The following SH2D3C variants were observed in gnomAD, a reference collection of about 807,000 sequenced individuals.
SH2D3C encodes the protein SH2 domain-containing protein 3C.
SH2D3C carries 25 observed loss-of-function variants against 75.2 expected under a neutral mutation model. The ratio of observed to expected loss-of-function variants is 0.33; its 90% CI spans 0.24 to 0.46. The LOEUF (loss-of-function observed/expected upper bound fraction) is 0.46, where lower values mean the gene tolerates loss of function less well. Among genes scored for constraint, SH2D3C ranks in the 20% least tolerant of loss-of-function variants. SH2D3C has a pLI of 1.00. For synonymous variants in SH2D3C, 450 were observed against 473.7 expected (o/e 0.95, Z 0.65); for missense variants, 933 against 1,165.3 (o/e 0.80, Z 2.90).
chr9:127,759,946 G>A (rs1224341673), intron 3 of SH2D3C, among the ~76,000 whole-genome samples: 2 of 149,822 alleles, frequency 1.3e-5, no homozygotes, highest in Non-Finnish European at 3.0e-5. Context: ...TCGCACCACT[G>A]TGCTCCAGCC....
At chr9:127,776,662 C>T (rs989223197) in intron 1 of SH2D3C, among the ~76,000 whole-genome samples, 5 of 152,348 alleles carry the variant, frequency 3.3e-5, no homozygotes, top group Admixed American at 1.3e-4. Flanking sequence ...TGTTCGCACC[C>T]GTGCTGGGAT....
At chr9:127,762,781 GA>G (rs1564422378) in intron 2 of SH2D3C, among the ~76,000 whole-genome samples, 1 of 152,152 alleles carries the variant, frequency 6.6e-6, no homozygotes, top group East Asian at 1.9e-4. Flanking sequence ...GATGGCAAAC[GA>G]ACCATCCTCA....
In SH2D3C at chr9:127,751,337, A is replaced by G. The variant is rs1451909971; in HGVS notation, c.556-37T>C. 2 of 1,605,848 alleles carry G rather than the reference A, an allele frequency of 1.2e-6. No homozygotes were observed. The highest frequency in any genetic ancestry group is 1.7e-6 in the Non-Finnish European group (2 of 1,174,418). ...ACAGCAAGAGTTGGCATCCAACTTAAAGTCTCCTTCTTCTTTCCCTCCCAA... is the reference window on the plus strand; with the variant it reads ...ACAGCAAGAGTTGGCATCCAACTTAGAGTCTCCTTCTTCTTTCCCTCCCAA... On this transcript the variant is annotated intron_variant, in intron 3 of 11. Coordinates refer to ENST00000314830, the MANE Select transcript of SH2D3C (RefSeq NM_170600.3). This position sits in a 1 kb window ranked among gnomAD's most constrained non-coding sequence, Gnocchi z 4.1.
In SH2D3C at chr9:127,747,251, C is replaced by A. The variant is rs1298897169; in HGVS notation, c.1160G>T (p.Arg387Leu). ...CPTSTSLPRP[R>L]DSIRSCALSM... is the part of the protein sequence containing the mutation. ...GAGGGCACAGCTGCGGATGGAGTCC[C>A]GAGGGCGGGGCAGCGACGTACTGTG... The change falls in exon 6 of 12, where the codon CGG becomes CTG. Residue 387 changes from arginine to leucine, a missense_variant. Transcript: ENST00000314830. 3.7e-6 allele frequency: 6 copies of A among 1,613,250 alleles called. No homozygotes were observed. In the African/African-American group the frequency reaches 4.0e-5, roughly 11 times the overall value.
chr9:127,754,783 C>A lies in SH2D3C; in HGVS notation c.556-3483G>T. 1 of 477,820 alleles carries A rather than the reference C, an allele frequency of 2.1e-6. No homozygotes were observed. 29.6% of individuals were successfully genotyped at this position (477,820 alleles called of 1,614,324 possible). Reference sequence around the variant, plus strand: ...GGCAGGACGCCGGAGACCCCATCTCCCAGTCCCCCCTGCCCCAGCTCTCTC... The same window carrying A: ...GGCAGGACGCCGGAGACCCCATCTCACAGTCCCCCCTGCCCCAGCTCTCTC... On this transcript the variant is annotated intron_variant, in intron 3 of 11. Transcript: ENST00000314830. This position sits in a 1 kb window ranked among gnomAD's most constrained non-coding sequence, Gnocchi z 4.4.
intron 3 of SH2D3C, chr9:127,755,149 C>A: frequency 8.2e-7 from 1 of 1,218,808 alleles, no homozygotes; most frequent in Non-Finnish European, 1.0e-6. Flanking sequence ...CAGGCTGCAC[C>A]GCTCGGTCAT....
In SH2D3C at chr9:127,747,191, A is replaced by G. The variant is rs1845055162; in HGVS notation, c.1220T>C (p.Met407Thr). 1.2e-6 allele frequency: 2 copies of G among 1,614,064 alleles called. No homozygotes were observed. The highest frequency in any genetic ancestry group is 1.7e-6 in the Non-Finnish European group (2 of 1,180,006). ...MDQIPDLHSP[M>T]SPISESPSSP... ...GCTAGGGCTCTCGGAGATGGGCGACATGGGTGAGTGCAGGTCTGGGATCTG... is the reference window on the plus strand; with the variant it reads ...GCTAGGGCTCTCGGAGATGGGCGACGTGGGTGAGTGCAGGTCTGGGATCTG... The change falls in exon 6 of 12, where the codon ATG becomes ACG. Residue 407 changes from methionine (M) to threonine (T), a missense_variant. By Grantham distance (81) the Met-to-Thr change is moderately conservative. Transcript: ENST00000314830.
chr9:127,749,783 G>C lies in SH2D3C; in HGVS notation c.685-118C>G. 1 of 666,688 alleles carries C rather than the reference G, an allele frequency of 1.5e-6. No homozygotes were observed. Among genetic ancestry groups the C allele is most frequent in the Non-Finnish European group, 2.7e-6 (1 of 377,188 alleles). 41.3% of individuals were successfully genotyped at this position (666,688 alleles called of 1,614,324 possible). A position where few individuals can be genotyped will look rare whatever the true frequency, so the allele number is the denominator to read the frequency against. Reference sequence around the variant, plus strand: ...ACAGCAAGACCAGACCCAGGGCATAGAGGACCCAATGAACAGAGACATCTG... The same window carrying C: ...ACAGCAAGACCAGACCCAGGGCATACAGGACCCAATGAACAGAGACATCTG... On this transcript the variant is annotated intron_variant, in intron 4 of 11. Coordinates refer to ENST00000314830, the MANE Select transcript of SH2D3C (RefSeq NM_170600.3). The surrounding 1 kb of genome is among the most constrained non-coding windows in gnomAD (Gnocchi z 5.9).
chr9:127,745,250 C>T (rs938536675), intron 6 of SH2D3C, 151 bp from the exon 7 acceptor site: 7 of 594,012 alleles, frequency 1.2e-5, no homozygotes, highest in Non-Finnish European at 1.8e-5. Context: ...AGACCAGGGC[C>T]GATTGACTCT....
Position 127,774,958 on chromosome 9 carries a change from C to T in SH2D3C, c.38-491G>A, listed in dbSNP as rs751329874. Among the ~76,000 whole-genome samples, 2 of 151,990 alleles carry T rather than the reference C, an allele frequency of 1.3e-5. No homozygotes were observed. Among genetic ancestry groups the T allele is most frequent in the Non-Finnish European group, 2.9e-5 (2 of 68,008 alleles). ...TACAAACATTAGCCGGGTGTGGTGG[C>T]GCACCTGTAATCCCAGCTTCTTGGG... On this transcript the variant is annotated intron_variant, in intron 1 of 11. Transcript: ENST00000314830. The surrounding 1 kb of genome is among the most constrained non-coding windows in gnomAD (Gnocchi z 4.3).
At chr9:127,763,336 T>A (rs1845573230) in intron 2 of SH2D3C, among the ~76,000 whole-genome samples, 1 of 152,234 alleles carries the variant, frequency 6.6e-6, no homozygotes, top group Non-Finnish European at 1.5e-5. Flanking sequence ...AATTATCTGA[T>A]GCCCTTATGA....
chr9:127,742,743 C>T (rs923786640), intron 8 of SH2D3C, 106 bp downstream of exon 8: 2 of 759,536 alleles, frequency 2.6e-6, no homozygotes, highest in Admixed American at 2.7e-5. Flanking sequence ...GGCCAGAGCC[C>T]CCTGGGAGCC....
chr9:127,776,720 A>G (rs1845817220), intron 1 of SH2D3C, among the ~76,000 whole-genome samples: 1 of 152,024 alleles, frequency 6.6e-6, no homozygotes, highest in Non-Finnish European at 1.5e-5. Flanking sequence ...GAGGCCCAGC[A>G]ATGGGGAGGG....
At chr9:127,740,112 C>T in intron 10 of SH2D3C, 146 bp downstream of exon 10, 1 of 777,084 alleles carries the variant, frequency 1.3e-6, no homozygotes, top group Non-Finnish European at 2.1e-6. Flanking sequence ...ATGAACAGGG[C>T]TGACACAGCT....
At chr9:127,740,659 T>C (rs1274480194) in intron 9 of SH2D3C, among the ~76,000 whole-genome samples, 1 of 152,208 alleles carries the variant, frequency 6.6e-6, no homozygotes, top group Non-Finnish European at 1.5e-5. Context: ...CTCTGGGAAC[T>C]TGTTGTTCTT....
intron 1 of SH2D3C, 118 bp downstream of exon 1, chr9:127,778,473 A>G: frequency 1.1e-6 from 1 of 904,412 alleles, no homozygotes; most frequent in Admixed American, 1.9e-5. Context: ...AAACAAAAAA[A>G]GAAAAAGAGT....
intron 8 of SH2D3C, 87 bp from the exon 9 acceptor site, chr9:127,742,046 G>T: frequency 7.5e-7 from 1 of 1,332,876 alleles, no homozygotes. Flanking sequence ...GTTGGGCCGG[G>T]AGAGGCGGAG....
chr9:127,760,992 A>G (rs1208012901), intron 3 of SH2D3C, among the ~76,000 whole-genome samples: 1 of 151,974 alleles, frequency 6.6e-6, no homozygotes, highest in Non-Finnish European at 1.5e-5. Flanking sequence ...GGCACGCACC[A>G]CCACTTCTGG....
chr9:127,757,741 A>G (rs577093533), intron 3 of SH2D3C, among the ~76,000 whole-genome samples: 1 of 150,846 alleles, frequency 6.6e-6, no homozygotes, highest in South Asian at 2.1e-4. Flanking sequence ...GCAACCTCCA[A>G]TTCCCAGATT....
Sources: allele counts gnomAD v4.1 joint callset (sites outside exome capture counted in the v4.1 genomes callset), GRCh38; gene constraint gnomAD v4.1.1; non-coding constraint Gnocchi (gnomAD v3.1); transcripts MANE v1.5; gene names NCBI Gene and HGNC (gene_info 2026-07-23, HGNC 2026-07-21).